The following POFUT4 variants were observed in gnomAD, a reference collection of about 807,000 sequenced individuals.
POFUT4 encodes protein O-fucosyltransferase 4, also known as GDP-fucose protein O-fucosyltransferase 4.
At chr10:73,773,150 G>C in the POFUT4 span, 1 of 1,555,080 alleles carries the variant, frequency 6.4e-7, no homozygotes, top group Non-Finnish European at 8.6e-7. Flanking sequence ...CAGGCCTCCA[G>C]GGCCGCACCC....
the POFUT4 span, chr10:73,775,305 C>T: frequency 3.1e-6 from 3 of 979,066 alleles, no homozygotes; most frequent in African/African-American, 4.8e-5. Context: ...CAGAAGCAGG[C>T]AAGTCAGGAA....
the POFUT4 span, among the ~76,000 whole-genome samples, chr10:73,777,531 G>A: frequency 6.6e-6 from 1 of 150,584 alleles, no homozygotes; most frequent in Admixed American, 6.7e-5. Context: ...TTCATTCACT[G>A]TATTACTAAT....
At chr10:73,775,981 CTTT>C in the POFUT4 span, 1 of 370,318 alleles carries the variant, frequency 2.7e-6, no homozygotes, top group African/African-American at 2.0e-5. Flanking sequence ...CTACTCACTT[CTTT>C]ATTTCATCCT....
chr10:73,773,259 GCCA>G, the POFUT4 span: 1 of 1,613,968 alleles, frequency 6.2e-7, no homozygotes, highest in Non-Finnish European at 8.5e-7. Flanking sequence ...CACAGCCACG[GCCA>G]CCACCGAGGA....
the POFUT4 span, chr10:73,772,956 A>G: frequency 6.2e-7 from 1 of 1,606,044 alleles, no homozygotes. Context: ...CGCCGCGGCT[A>G]CGCGCCGCTG....
At chr10:73,776,458 G>A in the POFUT4 span, among the ~76,000 whole-genome samples, 1 of 151,622 alleles carries the variant, frequency 6.6e-6, no homozygotes, top group Non-Finnish European at 1.5e-5. Flanking sequence ...TTGGGAGGCC[G>A]AGGAGAGGCG....
chr10:73,775,363 A>G, the POFUT4 span: 1 of 1,481,140 alleles, frequency 6.8e-7, no homozygotes, highest in East Asian at 2.3e-5. Flanking sequence ...TTTGTGACTT[A>G]CTGCCTGTCG....
chr10:73,775,442 A>G, the POFUT4 span: 5 of 1,613,178 alleles, frequency 3.1e-6, no homozygotes, highest in East Asian at 4.5e-5. Flanking sequence ...GTTAGAGACC[A>G]CTGTATCTGC....
At chr10:73,772,668 TGAGG>T in the POFUT4 span, 2 of 1,558,508 alleles carry the variant, frequency 1.3e-6, no homozygotes, top group Admixed American at 1.9e-5. Context: ...CGCCGAGCGC[TGAGG>T]GACTCGCGGA....
the POFUT4 span, chr10:73,772,624 G>A: frequency 1.3e-6 from 2 of 1,559,780 alleles, no homozygotes; most frequent in Non-Finnish European, 1.7e-6. Context: ...AGCGCATCGA[G>A]TGTGCGCGCG....
At chr10:73,772,329 T>G in the POFUT4 span, 2 of 1,438,618 alleles carry the variant, frequency 1.4e-6, no homozygotes, top group African/African-American at 1.5e-5. Context: ...GCTGCCGGAG[T>G]GGACATGGCG....
the POFUT4 span, chr10:73,775,424 T>G: frequency 6.2e-7 from 1 of 1,611,556 alleles, no homozygotes; most frequent in Non-Finnish European, 8.5e-7. Context: ...CACAGCAGTC[T>G]TGTCCAAGTT....
At chr10:73,772,729 C>T in the POFUT4 span, 11 of 1,593,884 alleles carry the variant, frequency 6.9e-6, no homozygotes, top group Non-Finnish European at 7.7e-6. Flanking sequence ...CGTCGGCCGC[C>T]CCGCTGCCGC....
At chr10:73,773,590 A>C in the POFUT4 span, 1 of 1,614,262 alleles carries the variant, frequency 6.2e-7, no homozygotes, top group Non-Finnish European at 8.5e-7. Flanking sequence ...AGTCTGAAGC[A>C]TCGGGAGTGG....
the POFUT4 span, chr10:73,772,500 T>A: frequency 6.4e-6 from 10 of 1,559,306 alleles, no homozygotes; most frequent in Non-Finnish European, 8.7e-6. Context: ...CTGGGCGCAG[T>A]GGGGGTGACG....
the POFUT4 span, chr10:73,772,715 C>T: frequency 3.2e-6 from 5 of 1,585,920 alleles, no homozygotes; most frequent in South Asian, 2.2e-5. Flanking sequence ...CACAGACTTC[C>T]GCGCGTCGGC....
chr10:73,775,759 A>AGTATCTAGAAAAGACATAAC, the POFUT4 span: 1 of 1,442,046 alleles, frequency 6.9e-7, no homozygotes. Context: ...AGGAGCATCC[A>AGTATCTAGAAAAGACATAAC]CTGCACAAAC....
the POFUT4 span, chr10:73,775,230 G>A: frequency 1.7e-6 from 1 of 605,380 alleles, no homozygotes; most frequent in Non-Finnish European, 2.9e-6. Context: ...TTTCCTTATG[G>A]AGACTGCCAC....
At chr10:73,776,794 C>T in the POFUT4 span, among the ~76,000 whole-genome samples, 1 of 152,176 alleles carries the variant, frequency 6.6e-6, no homozygotes, top group African/African-American at 2.4e-5. Context: ...ATTCTCCTGC[C>T]TCAGCCTCCT....
Sources: allele counts gnomAD v4.1 joint callset (sites outside exome capture counted in the v4.1 genomes callset), GRCh38; gene constraint gnomAD v4.1.1; transcripts MANE v1.5; gene names NCBI Gene and HGNC (gene_info 2026-07-23, HGNC 2026-07-21).